Variants in LINGO2 observed in about 807,000 individuals in gnomAD.
LINGO2 encodes leucine-rich repeat and immunoglobulin-like domain-containing nogo receptor-interacting protein 2.
Under a neutral mutation model 30.6 loss-of-function variants are expected in LINGO2, and 14 were observed. That is an observed-to-expected ratio of 0.46 (90% CI 0.30 to 0.72). The LOEUF is 0.72. LINGO2 is among the 30% of genes least tolerant of loss of function. LINGO2 has a pLI of 0.07. For missense variants in LINGO2, 729 were observed against 751.7 expected (o/e 0.97, Z 0.35); for synonymous variants, 317 against 288.5 (o/e 1.10, Z -1.00).
the LINGO2 span, among the ~76,000 whole-genome samples, chr9:29,097,793 T>G: frequency 7.2e-6 from 1 of 138,972 alleles, no homozygotes; most frequent in Non-Finnish European, 1.6e-5. Context: ...CAGGATGCAC[T>G]TCCAGAATTT....
chr9:28,638,273 A>C (rs1212084931), intron 1 of LINGO2, among the ~76,000 whole-genome samples: 1 of 152,114 alleles, frequency 6.6e-6, no homozygotes, highest in South Asian at 2.1e-4. Context: ...TATTGGTCTA[A>C]AATTCTCTTT....
At chr9:29,006,410 T>C in the LINGO2 span, among the ~76,000 whole-genome samples, 1 of 152,006 alleles carries the variant, frequency 6.6e-6, no homozygotes, top group Non-Finnish European at 1.5e-5. Context: ...AAGATCCATA[T>C]AATTCATGCA....
At chr9:29,187,569 C>G in the LINGO2 span, among the ~76,000 whole-genome samples, 1 of 152,102 alleles carries the variant, frequency 6.6e-6, no homozygotes. Flanking sequence ...TTAGCCTTTT[C>G]CAACACTAAT....
intron 1 of LINGO2, among the ~76,000 whole-genome samples, chr9:28,529,214 C>T (rs146749602): frequency 1.1e-4 from 17 of 152,146 alleles, no homozygotes; most frequent in Non-Finnish European, 1.5e-4. Flanking sequence ...ATATAACATA[C>T]AATGAATGCA....
At chr9:28,756,384 C>T in the LINGO2 span, among the ~76,000 whole-genome samples, 2 of 151,982 alleles carry the variant, frequency 1.3e-5, no homozygotes, top group Non-Finnish European at 2.9e-5. Context: ...TTTGATTTTA[C>T]AGGCTCATAG....
At chr9:28,294,099 C>T (rs1228603087) in intron 4 of LINGO2, among the ~76,000 whole-genome samples, 2 of 152,166 alleles carry the variant, frequency 1.3e-5, no homozygotes, top group African/African-American at 2.4e-5. Context: ...GGGTTTTATA[C>T]TCTCATGATA....
At chr9:28,847,463 GT>G in the LINGO2 span, among the ~76,000 whole-genome samples, 4 of 146,790 alleles carry the variant, frequency 2.7e-5, no homozygotes, top group Non-Finnish European at 4.5e-5. Context: ...CTCATGGGCA[GT>G]TATGTCAGTT....
chr9:28,655,804 T>C (rs1588033569), intron 1 of LINGO2, among the ~76,000 whole-genome samples: 1 of 152,138 alleles, frequency 6.6e-6, no homozygotes, highest in East Asian at 1.9e-4. Flanking sequence ...TCCTCCATGA[T>C]TGTAAGTTTC....
chr9:28,207,782 C>T (rs1051628534), intron 4 of LINGO2, among the ~76,000 whole-genome samples: 6 of 152,038 alleles, frequency 3.9e-5, no homozygotes, highest in African/African-American at 1.4e-4. Flanking sequence ...ACATTTGGTG[C>T]CATGCCTAAA....
intron 1 of LINGO2, among the ~76,000 whole-genome samples, chr9:28,632,162 C>T (rs190316618): frequency 1.1e-4 from 16 of 151,986 alleles, no homozygotes; most frequent in African/African-American, 3.1e-4. Context: ...AGAGCAAACA[C>T]GTTCAATGCA....
chr9:28,791,210 T>G, the LINGO2 span, among the ~76,000 whole-genome samples: 5 of 152,110 alleles, frequency 3.3e-5, no homozygotes, highest in Non-Finnish European at 7.4e-5. Flanking sequence ...CCTATGAATG[T>G]AGTAATTTTC....
chr9:28,516,788 C>G (rs1486842745), intron 1 of LINGO2, among the ~76,000 whole-genome samples: 1 of 152,152 alleles, frequency 6.6e-6, no homozygotes, highest in African/African-American at 2.4e-5. Context: ...GAAATATCTT[C>G]TTAGCTAAAT....
chr9:29,112,111 T>A, the LINGO2 span, among the ~76,000 whole-genome samples: 1 of 151,760 alleles, frequency 6.6e-6, no homozygotes, highest in Non-Finnish European at 1.5e-5. Context: ...ATTTATTATC[T>A]TTTAAAATAT....
the LINGO2 span, among the ~76,000 whole-genome samples, chr9:29,103,527 TTATAA>T: frequency 5.9e-3 from 893 of 152,152 alleles, 8 homozygotes; most frequent in African/African-American, 0.021. Context: ...GCTAATAAGT[TTATAA>T]TATTTCTTTT....
intron 4 of LINGO2, among the ~76,000 whole-genome samples, chr9:28,030,489 G>A (rs1587726066): frequency 6.6e-6 from 1 of 152,250 alleles, no homozygotes; most frequent in African/African-American, 2.4e-5. Flanking sequence ...AAGGTCCAGA[G>A]ACACTTCACT....
chr9:28,475,156 T>A (rs990290991), intron 2 of LINGO2, among the ~76,000 whole-genome samples: 2 of 152,148 alleles, frequency 1.3e-5, no homozygotes, highest in African/African-American at 4.8e-5. Context: ...CTGCATTTTT[T>A]ACAGAGTATG....
intron 1 of LINGO2, among the ~76,000 whole-genome samples, chr9:28,578,972 T>C (rs951044255): frequency 6.6e-6 from 1 of 152,108 alleles, no homozygotes; most frequent in African/African-American, 2.4e-5. Flanking sequence ...GTAGAAATAA[T>C]GGATTTAAGA....
chr9:28,581,004 T>C (rs1385093239), intron 1 of LINGO2, among the ~76,000 whole-genome samples: 2 of 152,060 alleles, frequency 1.3e-5, no homozygotes, highest in East Asian at 1.9e-4. Context: ...AGTGGGTGCA[T>C]AGGGAGAGAA....
chr9:28,450,214 A>C (rs894789649), intron 2 of LINGO2, among the ~76,000 whole-genome samples: 3 of 151,998 alleles, frequency 2.0e-5, no homozygotes, highest in Non-Finnish European at 1.5e-5. Flanking sequence ...AACAGATTTA[A>C]GGACATTCCT....
Sources: gnomAD v4.1 joint callset for allele counts (sites outside exome capture counted in the v4.1 genomes callset) on GRCh38, gnomAD v4.1.1 for gene constraint, MANE v1.5 for transcripts, NCBI Gene and HGNC (gene_info 2026-07-23, HGNC 2026-07-21) for gene names.